The following HIP1R variants were observed in gnomAD, a reference collection of about 807,000 sequenced individuals.
The protein encoded by HIP1R is huntingtin interacting protein 1 related.
Under a neutral mutation model 144.2 loss-of-function variants are expected in HIP1R, and 135 were observed. The observed-to-expected ratio is 0.94, with a 90% CI of 0.81 to 1.08. HIP1R has a LOEUF of 1.08. HIP1R is among the 50% of genes least tolerant of loss of function. HIP1R has a pLI of 0.00. For missense variants in HIP1R, 1,462 were observed against 1,432.8 expected (o/e 1.02, Z -0.33); for synonymous variants, 698 against 612.8 (o/e 1.14, Z -2.05).
chr12:122,860,241 C>T, intron 26 of HIP1R, 31 bp downstream of exon 26: 1 of 1,538,784 alleles, frequency 6.5e-7, no homozygotes, highest in Non-Finnish European at 8.7e-7. Context: ...GGGCACAGTC[C>T]ACAAGGAGCC....
intron 6 of HIP1R, 89 bp downstream of exon 6, chr12:122,851,000 G>A (rs2033378035): frequency 1.2e-5 from 14 of 1,198,084 alleles, no homozygotes; most frequent in Middle Eastern, 2.3e-4. Flanking sequence ...TCCGCATGGG[G>A]CAGTGGGGTT....
intron 21 of HIP1R, 29 bp from the exon 22 acceptor site, chr12:122,859,032 G>A: frequency 6.2e-7 from 1 of 1,606,488 alleles, no homozygotes; most frequent in Non-Finnish European, 8.5e-7. Flanking sequence ...GGTGGGGGGG[G>A]CTCCACTCAC....
At chr12:122,854,734 CCTCCCACAGCGT>C (rs1424329239) in intron 8 of HIP1R, among the ~76,000 whole-genome samples, 159 bp from the exon 9 acceptor site, 15 of 152,164 alleles carry the variant, frequency 9.9e-5, no homozygotes, top group Non-Finnish European at 1.9e-4. Context: ...TGAACTGAGC[CCTCCCACAGCGT>C]CTCCCACAGG....
rs546000320 is a variant in HIP1R, at chr12:122,857,995, G to T, written c.1816-107G>T. The T allele has an allele frequency of 4.2e-6, 4 of 962,938 alleles. No individual in the cohort carries two copies. In the African/African-American group the frequency reaches 4.9e-5, roughly 12 times the overall value. 59.6% of individuals were successfully genotyped at this position (962,938 alleles called of 1,614,324 possible). Reference sequence around the variant, plus strand: ...AATCTCCACCCCCCTGACCAGTGAGGGTCTCAGCTGGGCTCCAACTGGTGG... The same window carrying T: ...AATCTCCACCCCCCTGACCAGTGAGTGTCTCAGCTGGGCTCCAACTGGTGG... On this transcript the variant is annotated intron_variant, in intron 18 of 31. Coordinates refer to ENST00000253083, the MANE Select transcript of HIP1R (RefSeq NM_003959.3).
chr12:122,856,053 A>G lies in HIP1R; in HGVS notation c.1202A>G (p.Gln401Arg), dbSNP rs1279801104. 1 of 1,593,194 alleles carries G rather than the reference A, an allele frequency of 6.3e-7. No homozygotes were observed. The highest frequency in any genetic ancestry group is 8.5e-7 in the Non-Finnish European group (1 of 1,170,178). The part of the protein sequence containing the change: ...LEGELEEQRK[Q>R]KQKALVDNEQ... ...GGTGAGCTGGAGGAGCAGCGGAAGCAGAAGCAGAAGGCCCTGGTGGATAAT... is the reference window on the plus strand; with the variant it reads ...GGTGAGCTGGAGGAGCAGCGGAAGCGGAAGCAGAAGGCCCTGGTGGATAAT... The change falls in exon 14 of 32, where the codon CAG (glutamine) becomes CGG (arginine). Residue 401 changes from glutamine to arginine, a missense_variant. Physicochemically the swap from Gln to Arg is conservative, Grantham distance 43. This residue lies in a region of HIP1R where 1,112 missense variants were observed against 1,011.7 expected (regional missense o/e 1.10). Coordinates refer to ENST00000253083, the MANE Select transcript of HIP1R (RefSeq NM_003959.3).
Sources: allele counts gnomAD v4.1 joint callset (sites outside exome capture counted in the v4.1 genomes callset), GRCh38; gene constraint gnomAD v4.1.1; regional missense constraint gnomAD v4.1.1; transcripts MANE v1.5; gene names NCBI Gene and HGNC (gene_info 2026-07-23, HGNC 2026-07-21).